RALGAPB: variants seen among roughly 807,000 people sequenced by gnomAD.
RALGAPB encodes ral GTPase-activating protein subunit beta.
RALGAPB carries 25 observed loss-of-function variants against 161.1 expected under a neutral mutation model. The ratio of observed to expected loss-of-function variants is 0.16; its 90% confidence interval spans 0.11 to 0.22. The LOEUF is 0.22. Ranked by LOEUF, RALGAPB falls within the 10% of genes least tolerant of loss-of-function variation. The probability of loss-of-function intolerance (pLI) is 1.00; values close to 1 mark genes in which losing one functional copy is unlikely to be tolerated. For synonymous variants in RALGAPB, 629 were observed against 626.1 expected, an observed-to-expected ratio of 1.00 and a Z score of -0.07; for missense variants, 1,391 against 1,815.2, an observed-to-expected ratio of 0.77 and a Z score of 4.25.
At chr20:38,543,783 A>G (rs529385893) in intron 18 of RALGAPB, among the ~76,000 whole-genome samples, 27 of 152,250 alleles carry the variant, frequency 1.8e-4, no homozygotes, top group Middle Eastern at 3.4e-3. Flanking sequence ...TAGCAAATCT[A>G]TCTACCTCCA....
At chr20:38,539,706 T>G (rs543906495) in intron 16 of RALGAPB, 70 bp from the exon 17 acceptor site, 1 of 1,487,548 alleles carries the variant, frequency 6.7e-7, no homozygotes, top group South Asian at 1.2e-5. Context: ...CAAGCTTCAG[T>G]GCAAATGCTT....
chr20:38,504,286 A>G (rs910425224), intron 5 of RALGAPB, among the ~76,000 whole-genome samples: 1 of 150,554 alleles, frequency 6.6e-6, no homozygotes, highest in Non-Finnish European at 1.5e-5. Flanking sequence ...CTGCATAACT[A>G]CAGCCATCTG....
At chr20:38,500,066 T>C (rs2085533674) in intron 5 of RALGAPB, 1 of 152,272 alleles carries the variant, frequency 6.6e-6, no homozygotes, top group Non-Finnish European at 1.5e-5. Flanking sequence ...TAGGCAGTTT[T>C]TTTATAATAA....
At chr20:38,516,957 C>G (rs181364347) in intron 7 of RALGAPB, among the ~76,000 whole-genome samples, 1 of 152,328 alleles carries the variant, frequency 6.6e-6, no homozygotes, top group East Asian at 1.9e-4. Context: ...TATGTTAGCT[C>G]TGATTAAGTT....
rs1037355093 is a variant in RALGAPB at position 38,485,358 on chromosome 20, A to G, written c.-30-3045A>G. Among the ~76,000 whole-genome samples, 7 of 152,198 alleles carry G rather than the reference A, an allele frequency of 4.6e-5. 1 individual carries two copies. The highest frequency in any genetic ancestry group is 1.0e-4 in the Non-Finnish European group (7 of 68,046). On this transcript the variant is annotated intron_variant, in intron 1 of 29. Transcript: ENST00000262879. Reference sequence around the variant, plus strand: ...GTGCCTCTAGGTGACAGGTTTTTCTATTAAAAATCATTGCCCTAATCTCTC... The same window carrying G: ...GTGCCTCTAGGTGACAGGTTTTTCTGTTAAAAATCATTGCCCTAATCTCTC...
Position 38,524,905 on chromosome 20 carries a change from C to T in RALGAPB, c.1747C>T (p.Pro583Ser). 1 of 1,611,656 alleles carries T rather than the reference C, an allele frequency of 6.2e-7. No individual in the cohort carries two copies. Among genetic ancestry groups the T allele is most frequent in the Non-Finnish European group, 8.5e-7 (1 of 1,177,750 alleles). ...CDLKGIDVVV[P>S]YFISALETIL... ...CTTGAAAGGGATTGATGTTGTGGTTCCTTACTTTATTTCAGCTCTTGAAAC... is the reference window on the plus strand; with the variant it reads ...CTTGAAAGGGATTGATGTTGTGGTTTCTTACTTTATTTCAGCTCTTGAAAC... The change falls in exon 11 of 30, where the codon CCT (proline) becomes TCT (serine). Residue 583 changes from proline to serine, a missense_variant. Physicochemically the swap from Pro to Ser is moderately conservative, Grantham distance 74. Around this residue, in one of 3 missense-constraint regions of RALGAPB, gnomAD observed 946 missense variants for 1,257.2 expected, o/e 0.75. Transcript: ENST00000262879.
intron 1 of RALGAPB, among the ~76,000 whole-genome samples, chr20:38,480,841 C>T (rs1303587): frequency 0.64 from 94,628 of 148,820 alleles, 34,637 homozygotes; most frequent in East Asian, 0.91. Flanking sequence ...AGGTTCACAC[C>T]GTTCTCCTGC....
intron 23 of RALGAPB, among the ~76,000 whole-genome samples, chr20:38,559,520 C>A (rs1322956362): frequency 6.6e-6 from 1 of 152,168 alleles, no homozygotes; most frequent in Non-Finnish European, 1.5e-5. Context: ...CATGGTGGAA[C>A]CCTGTCTCTA....
intron 3 of RALGAPB, among the ~76,000 whole-genome samples, chr20:38,495,096 AT>A (rs2085386214): frequency 6.6e-6 from 1 of 152,222 alleles, no homozygotes; most frequent in East Asian, 1.9e-4. Flanking sequence ...AATGGTAAGT[AT>A]TGGTGTTATG....
chr20:38,547,469 C>T (rs1046499411), intron 19 of RALGAPB: 2 of 152,130 alleles, frequency 1.3e-5, no homozygotes, highest in Non-Finnish European at 2.9e-5. Context: ...ATTTTCTAAA[C>T]CCTGTATTGT....
chr20:38,525,447 C>T lies in RALGAPB; in HGVS notation c.1831C>T (p.Arg611Ter). 3 of 1,602,780 alleles carry T rather than the reference C, an allele frequency of 1.9e-6. No individual in the cohort carries two copies. The highest frequency in any genetic ancestry group is 2.2e-5 in the East Asian group (1 of 44,788). ...AAGCTATGTAAATCCAACAGAATTG[C>T]GAAGATCCTCCATTAATATCCTGCT... is the stretch of plus-strand genomic sequence containing the variant. The part of the protein sequence containing the change: ...FKSYVNPTEL[R>*]RSSINILLSL... The change falls in exon 12 of 30, where the codon CGA (arginine) becomes TGA (stop). Residue 611 changes from arginine to a stop codon, truncating the protein, a stop_gained. Coordinates refer to ENST00000262879, the MANE Select transcript of RALGAPB (RefSeq NM_020336.4). LOFTEE classifies it high-confidence loss of function.
chr20:38,558,540 G>T, intron 23 of RALGAPB, 87 bp downstream of exon 23: 2 of 1,242,260 alleles, frequency 1.6e-6, no homozygotes, highest in African/African-American at 1.5e-5. Context: ...AATTAATATG[G>T]AGAGTTTATT....
At chr20:38,547,555 G>A (rs1264821253) in intron 19 of RALGAPB, 1 of 152,186 alleles carries the variant, frequency 6.6e-6, no homozygotes, top group African/African-American at 2.4e-5. Flanking sequence ...CCTTTGTAAA[G>A]GTGAAGAGTT....
intron 5 of RALGAPB, among the ~76,000 whole-genome samples, chr20:38,501,957 A>G (rs552195333): frequency 1.3e-5 from 2 of 152,224 alleles, no homozygotes; most frequent in Admixed American, 6.5e-5. Flanking sequence ...ACCATAAAAT[A>G]CACACAAATG....
At chr20:38,506,909 G>A (rs868041956) in intron 5 of RALGAPB, among the ~76,000 whole-genome samples, 27 of 152,112 alleles carry the variant, frequency 1.8e-4, no homozygotes, top group Admixed American at 2.0e-4. Flanking sequence ...GGAATATTTT[G>A]TTAATTCTAG....
rs2087674553 is a variant in RALGAPB, at chr20:38,558,513, G to GA, written c.3531+67dup. On this transcript the variant is annotated intron_variant, in intron 23 of 29. Transcript: ENST00000262879. ...TTTGTGCTATAAATACACGTCTAAA[G>GA]AAAAAAATTGAGGCAAAATTAATAT... The GA allele has an allele frequency of 3.7e-6, 5 of 1,341,138 alleles. No homozygotes were observed. In the South Asian group the frequency reaches 8.8e-5, roughly 24 times the overall value. The allele number at this position is 1,341,138 out of a possible 1,614,324, so 83.1% of individuals were successfully genotyped here.
At chr20:38,520,787 T>A (rs1026601033) in intron 9 of RALGAPB, among the ~76,000 whole-genome samples, 1 of 152,176 alleles carries the variant, frequency 6.6e-6, no homozygotes, top group African/African-American at 2.4e-5. Context: ...GTGAAATCTT[T>A]TGTTAAAAAT....
intron 5 of RALGAPB, among the ~76,000 whole-genome samples, chr20:38,503,767 A>C (rs1371822223): frequency 6.6e-6 from 1 of 152,172 alleles, no homozygotes; most frequent in Non-Finnish European, 1.5e-5. Flanking sequence ...GCCACAGATA[A>C]ATTTTTTGTG....
chr20:38,521,787 G>C, intron 10 of RALGAPB, 89 bp downstream of exon 10: 1 of 1,317,104 alleles, frequency 7.6e-7, no homozygotes, highest in Non-Finnish European at 1.1e-6. Context: ...GAGTGATGTT[G>C]GTCTGAAATA....
Sources: gnomAD v4.1 joint callset for allele counts (sites outside exome capture counted in the v4.1 genomes callset) on GRCh38, gnomAD v4.1.1 for gene constraint, gnomAD v4.1.1 regional missense constraint, MANE v1.5 for transcripts, NCBI Gene and HGNC (gene_info 2026-07-23, HGNC 2026-07-21) for gene names.